WWOX: variants seen among roughly 807,000 people sequenced by gnomAD.
WWOX encodes WW domain-containing oxidoreductase.
In WWOX, 69 loss-of-function variants were observed where a neutral mutation model predicts 46.2. The observed-to-expected ratio is 1.49, with a 90% CI of 1.23 to 1.82. The LOEUF is 1.82. Among genes scored for constraint, WWOX ranks in the 40% most tolerant of loss-of-function variants. The pLI is 0.00. For missense variants in WWOX, 919 were observed against 542.6 expected (o/e 1.69, Z -6.89); for synonymous variants, 359 against 202.6 (o/e 1.77, Z -6.56).
chr16:78,741,854 C>G (rs948230544), intron 8 of WWOX, among the ~76,000 whole-genome samples: 7 of 152,168 alleles, frequency 4.6e-5, no homozygotes, highest in Non-Finnish European at 7.3e-5. Flanking sequence ...GACGCTGTCT[C>G]AAATAAATAC....
chr16:78,407,691 T>A (rs2082580473), intron 6 of WWOX, among the ~76,000 whole-genome samples: 1 of 152,154 alleles, frequency 6.6e-6, no homozygotes, highest in Admixed American at 6.5e-5. Flanking sequence ...TAGAACCACA[T>A]CAACTTCTTC....
chr16:78,554,084 T>G (rs1001833228), intron 8 of WWOX, among the ~76,000 whole-genome samples: 3 of 152,016 alleles, frequency 2.0e-5, no homozygotes, highest in Admixed American at 2.0e-4. Context: ...AAGTTGGTAA[T>G]GGGTAACAGG....
intron 8 of WWOX, among the ~76,000 whole-genome samples, chr16:78,587,360 T>G (rs79565568): frequency 6.6e-6 from 1 of 151,922 alleles, no homozygotes; most frequent in Non-Finnish European, 1.5e-5. Flanking sequence ...ATTTTTAAAA[T>G]AAAATTTCAG....
At chr16:78,301,033 C>T (rs1323384762) in intron 5 of WWOX, among the ~76,000 whole-genome samples, 1 of 152,022 alleles carries the variant, frequency 6.6e-6, no homozygotes, top group Non-Finnish European at 1.5e-5. Context: ...TCCATCCATC[C>T]ATCCATCATC....
chr16:79,057,568 A>G (rs1019408883), intron 8 of WWOX, among the ~76,000 whole-genome samples: 1 of 114,644 alleles, frequency 8.7e-6, no homozygotes, highest in Non-Finnish European at 1.8e-5. Flanking sequence ...CATTGCCTTC[A>G]GAGAGTTGGT....
chr16:78,629,264 G>A (rs377665704), intron 8 of WWOX, among the ~76,000 whole-genome samples: 3 of 151,350 alleles, frequency 2.0e-5, no homozygotes, highest in Non-Finnish European at 4.4e-5. Context: ...GCAAGGGATG[G>A]GGTCATAAGA....
At chr16:78,178,377 G>A (rs889479463) in intron 5 of WWOX, among the ~76,000 whole-genome samples, 1 of 152,206 alleles carries the variant, frequency 6.6e-6, no homozygotes, top group African/African-American at 2.4e-5. Context: ...AAATGTCACT[G>A]TGGCCCCACA....
At chr16:79,114,243 A>G (rs1020443518) in intron 8 of WWOX, among the ~76,000 whole-genome samples, 1 of 151,948 alleles carries the variant, frequency 6.6e-6, no homozygotes, top group Admixed American at 6.5e-5. Flanking sequence ...ATGTAACCTC[A>G]TTTGGAAGTA....
chr16:78,716,054 T>G (rs535481937), intron 8 of WWOX, among the ~76,000 whole-genome samples: 3 of 150,672 alleles, frequency 2.0e-5, no homozygotes, highest in African/African-American at 7.4e-5. Flanking sequence ...AAGAGGAATG[T>G]CTAAAGGAAA....
At chr16:79,104,068 T>TA (rs1179007984) in intron 8 of WWOX, among the ~76,000 whole-genome samples, 1 of 144,658 alleles carries the variant, frequency 6.9e-6, no homozygotes, top group South Asian at 2.3e-4. Flanking sequence ...TGGGGGTACT[T>TA]ACTAAGGACC....
chr16:78,895,936 T>C (rs2044691544), intron 8 of WWOX: 1 of 152,188 alleles, frequency 6.6e-6, no homozygotes, highest in Non-Finnish European at 1.5e-5. Context: ...ATCTCATGAA[T>C]TTGGTCTTGA....
intron 8 of WWOX, among the ~76,000 whole-genome samples, chr16:78,645,326 A>G (rs1447394674): frequency 6.6e-6 from 1 of 152,080 alleles, no homozygotes; most frequent in Non-Finnish European, 1.5e-5. Flanking sequence ...GCTTTAACAA[A>G]TGACCACCCA....
chr16:78,869,601 T>C (rs2044082429), intron 8 of WWOX, among the ~76,000 whole-genome samples: 1 of 152,208 alleles, frequency 6.6e-6, no homozygotes, highest in Non-Finnish European at 1.5e-5. Flanking sequence ...ACACTGCGCA[T>C]GGGCTCGTTG....
At chr16:78,611,085 C>A (rs928510281) in intron 8 of WWOX, among the ~76,000 whole-genome samples, 1 of 151,992 alleles carries the variant, frequency 6.6e-6, no homozygotes, top group Non-Finnish European at 1.5e-5. Context: ...AATGTATATC[C>A]CAGTGTGTGT....
intron 8 of WWOX, among the ~76,000 whole-genome samples, chr16:78,540,020 T>TCTCTCCCTCTCTCACACACA (rs369075883): frequency 7.5e-6 from 1 of 132,854 alleles, no homozygotes; most frequent in African/African-American, 3.0e-5. Context: ...TCTCTCTCTC[T>TCTCTCCCTCTCTCACACACA]CACACACACA....
At chr16:78,615,498 A>G (rs2046001293) in intron 8 of WWOX, among the ~76,000 whole-genome samples, 1 of 151,922 alleles carries the variant, frequency 6.6e-6, no homozygotes, top group Admixed American at 6.6e-5. Context: ...AAATTTAAAA[A>G]TTAACTGGGT....
At chr16:78,934,869 G>A (rs1453072364) in intron 8 of WWOX, among the ~76,000 whole-genome samples, 1 of 152,196 alleles carries the variant, frequency 6.6e-6, no homozygotes, top group Non-Finnish European at 1.5e-5. Context: ...GGAGGCCAAG[G>A]CGGGTGCATC....
At chr16:78,753,760 C>G (rs2049546935) in intron 8 of WWOX, among the ~76,000 whole-genome samples, 1 of 134,070 alleles carries the variant, frequency 7.5e-6, no homozygotes, top group African/African-American at 2.9e-5. Context: ...AAAGATCACA[C>G]CACTGCAGTC....
chr16:78,563,100 A>C (rs931077265), intron 8 of WWOX, among the ~76,000 whole-genome samples: 1 of 152,138 alleles, frequency 6.6e-6, no homozygotes, highest in Non-Finnish European at 1.5e-5. Flanking sequence ...ATCAGGTTTG[A>C]AAGTTGTCTT....
Sources: gnomAD v4.1 joint callset for allele counts (sites outside exome capture counted in the v4.1 genomes callset) on GRCh38, gnomAD v4.1.1 for gene constraint, MANE v1.5 for transcripts, NCBI Gene and HGNC (gene_info 2026-07-23, HGNC 2026-07-21) for gene names.